FRMD4A: variants seen among roughly 807,000 people sequenced by gnomAD.
The protein encoded by FRMD4A is FERM domain-containing protein 4A.
Under a neutral mutation model 129.1 loss-of-function variants are expected in FRMD4A, and 29 were observed. The observed-to-expected ratio is 0.22, with a 90% confidence interval of 0.17 to 0.31. The LOEUF (loss-of-function observed/expected upper bound fraction) is 0.31, where lower values mean the gene tolerates loss of function less well. FRMD4A is among the 10% of genes least tolerant of loss of function. The pLI is 1.00. For synonymous variants in FRMD4A, 634 were observed against 571.6 expected, an observed-to-expected ratio of 1.11 and a Z score of -1.56; for missense variants, 1,272 against 1,375.8, an observed-to-expected ratio of 0.92 and a Z score of 1.19.
chr10:13,845,450 A>G (rs1181361587), intron 3 of FRMD4A, among the ~76,000 whole-genome samples: 1 of 152,232 alleles, frequency 6.6e-6, no homozygotes, highest in Non-Finnish European at 1.5e-5. Context: ...CCTTGCATGA[A>G]ATCGTATAGA....
At chr10:13,664,335 G>A (rs981700826) in intron 18 of FRMD4A, among the ~76,000 whole-genome samples, 2 of 152,198 alleles carry the variant, frequency 1.3e-5, no homozygotes, top group African/African-American at 2.4e-5. Flanking sequence ...GTGCCTTGGA[G>A]GGGGCAGAGG....
intron 2 of FRMD4A, among the ~76,000 whole-genome samples, chr10:13,938,335 G>A (rs908784102): frequency 3.9e-5 from 6 of 151,986 alleles, no homozygotes; most frequent in African/African-American, 9.7e-5. Context: ...TCTGCCCCCC[G>A]GGTTCAAGCG....
intron 2 of FRMD4A, among the ~76,000 whole-genome samples, chr10:14,107,356 G>A (rs1462941742): frequency 6.6e-6 from 1 of 152,130 alleles, no homozygotes; most frequent in Non-Finnish European, 1.5e-5. Context: ...TAAAATAAAA[G>A]TTGAAATTGT....
rs183959878 is a variant in FRMD4A, at chr10:13,808,149, T to A, written c.206+2665A>T. 5.3e-5 allele frequency among the ~76,000 whole-genome samples: 8 copies of A among 152,334 alleles called. No homozygotes were observed. The East Asian group carries it at 1.5e-3, about 29-fold the overall frequency. ...AACAATCATGCTGCTGGTAAGAGTA[T>A]CTTGCACTTGTACGGCACTTCACAG... On this transcript the variant is annotated intron_variant, in intron 4 of 24. Transcript: ENST00000357447.
intron 2 of FRMD4A, among the ~76,000 whole-genome samples, chr10:14,141,050 G>A (rs1398896028): frequency 6.6e-6 from 1 of 152,076 alleles, no homozygotes; most frequent in East Asian, 1.9e-4. Context: ...TGGAGCACAG[G>A]CCTGGTAAGA....
In FRMD4A at chr10:14,272,779, C is replaced by T. The variant is rs1388397181; in HGVS notation, c.45+57279G>A. Reference sequence around the variant, plus strand: ...CCTTGAAGGTGGTCAGGAATATTGACTTGCCTTAATCTCTTACTTCACAAT... The same window carrying T: ...CCTTGAAGGTGGTCAGGAATATTGATTTGCCTTAATCTCTTACTTCACAAT... On this transcript the variant is annotated intron_variant, in intron 2 of 24. Transcript: ENST00000357447. Among the ~76,000 whole-genome samples, 3 of 152,176 alleles carry T rather than the reference C, an allele frequency of 2.0e-5. No individual in the cohort carries two copies. In the East Asian group the frequency reaches 5.8e-4, roughly 29 times the overall value.
intron 2 of FRMD4A, among the ~76,000 whole-genome samples, chr10:13,923,672 C>CAT (rs1227423942): frequency 2.0e-5 from 3 of 151,944 alleles, no homozygotes; most frequent in Non-Finnish European, 2.9e-5. Flanking sequence ...AAAAATCAGA[C>CAT]TTTTTTTTAA....
At position 13,740,344 on chromosome 10, in the gene FRMD4A, T is replaced by C. The variant is rs1391540729; in HGVS notation, c.615-93A>G. 5 of 965,560 alleles carry C rather than the reference T, an allele frequency of 5.2e-6. No homozygotes were observed. In the African/African-American group the frequency reaches 8.1e-5, roughly 16 times the overall value. The allele number at this position is 965,560 out of a possible 1,614,324, so 59.8% of individuals were successfully genotyped here. On this transcript the variant is annotated intron_variant, in intron 10 of 24. Transcript: ENST00000357447. The stretch of plus-strand genomic sequence containing the variant: ...CTGGTATCATATATATATTTGTGTA[T>C]GTGTACGTGATAAAGTTCTCGGAGT...
intron 3 of FRMD4A, among the ~76,000 whole-genome samples, chr10:13,844,251 T>C (rs1240357048): frequency 3.3e-5 from 5 of 152,158 alleles, no homozygotes; most frequent in African/African-American, 1.2e-4. Context: ...ACATAGTCAT[T>C]GGTTTATATG....
At chr10:14,242,297 T>C (rs1038104714) in intron 2 of FRMD4A, among the ~76,000 whole-genome samples, 4 of 152,182 alleles carry the variant, frequency 2.6e-5, no homozygotes, top group African/African-American at 9.7e-5. Flanking sequence ...TTTTCCAATA[T>C]GTTGTTAGAT....
intron 2 of FRMD4A, among the ~76,000 whole-genome samples, chr10:13,983,624 A>G (rs1274854593): frequency 6.6e-6 from 1 of 152,156 alleles, no homozygotes; most frequent in Non-Finnish European, 1.5e-5. Context: ...CTTGTTGCAG[A>G]AACAAAAGTG....
At position 13,656,969 on chromosome 10, in the gene FRMD4A, T is replaced by G; in HGVS notation, c.2620A>C (p.Thr874Pro). Residue 874 changes from threonine (T) to proline (P), a missense_variant, in exon 22 of 25, where the codon ACG becomes CCG. Physicochemically the swap from Thr to Pro is conservative, Grantham distance 38. Coordinates refer to ENST00000357447, the MANE Select transcript of FRMD4A (RefSeq NM_018027.5). The stretch of plus-strand genomic sequence containing the variant: ...CTCTCCTTGAACAGGCCGCCCGCCG[T>G]GTAGGAGTTGGACGTCTTGAACTGA... Reference protein sequence around the residue: ...KAQFKTSNSYTAGGLFKESWR... With the variant: ...KAQFKTSNSYPAGGLFKESWR... 6.5e-7 allele frequency: 1 copy of G among 1,544,088 alleles called. No homozygotes were observed. Among genetic ancestry groups the G allele is most frequent in the Non-Finnish European group, 8.7e-7 (1 of 1,152,476 alleles).
chr10:14,328,157 G>C (rs903770915), intron 2 of FRMD4A, among the ~76,000 whole-genome samples: 2 of 152,128 alleles, frequency 1.3e-5, no homozygotes, highest in East Asian at 1.9e-4. Flanking sequence ...TTAATCAAAC[G>C]GTCCATCAGG....
intron 2 of FRMD4A, among the ~76,000 whole-genome samples, chr10:14,218,955 CAAAAAAAAAAAAAAAAAAAA>C (rs56064346): frequency 6.9e-5 from 5 of 72,650 alleles, no homozygotes; most frequent in African/African-American, 3.8e-4. Flanking sequence ...GACTTCATCT[CAAAAAAAAAAAAAAAAAAAA>C]AAAAAAAAAA....
chr10:14,269,805 T>A (rs1166769137), intron 2 of FRMD4A, among the ~76,000 whole-genome samples: 1 of 152,220 alleles, frequency 6.6e-6, no homozygotes, highest in African/African-American at 2.4e-5. Context: ...GAATTAATTA[T>A]TTATTTTGAA....
chr10:13,666,060 G>T (rs776409917), intron 18 of FRMD4A, 37 bp downstream of exon 18: 1 of 1,306,580 alleles, frequency 7.7e-7, no homozygotes, highest in Non-Finnish European at 1.1e-6. Context: ...GGGCCCGGGC[G>T]TGGGAGTGGG....
chr10:14,085,329 C>T (rs373817667), intron 2 of FRMD4A, among the ~76,000 whole-genome samples: 23 of 152,308 alleles, frequency 1.5e-4, no homozygotes, highest in South Asian at 4.1e-4. Context: ...ACGGCAGATG[C>T]GCACCTCACG....
intron 3 of FRMD4A, among the ~76,000 whole-genome samples, chr10:13,827,840 G>A (rs2093726314): frequency 6.6e-6 from 1 of 152,208 alleles, no homozygotes; most frequent in South Asian, 2.1e-4. Context: ...GGGAGAAGGG[G>A]CCCCTCTGCT....
chr10:14,093,347 C>A (rs1011941846), intron 2 of FRMD4A, among the ~76,000 whole-genome samples: 1 of 151,984 alleles, frequency 6.6e-6, no homozygotes, highest in African/African-American at 2.4e-5. Flanking sequence ...AGAGTCTTCC[C>A]AAAGCAGAAG....
Sources: allele counts gnomAD v4.1 joint callset (sites outside exome capture counted in the v4.1 genomes callset), GRCh38; gene constraint gnomAD v4.1.1; transcripts MANE v1.5; gene names NCBI Gene and HGNC (gene_info 2026-07-23, HGNC 2026-07-21).